Variants in GPBP1 observed in about 807,000 individuals in gnomAD.
The protein encoded by GPBP1 is GC-rich promoter binding protein 1.
In GPBP1, 13 loss-of-function variants were observed where a neutral mutation model predicts 56.5. The ratio of observed to expected loss-of-function variants is 0.23; its 90% CI spans 0.15 to 0.37. GPBP1 has a LOEUF of 0.37. Among genes scored for constraint, GPBP1 ranks in the 10% least tolerant of loss-of-function variants. GPBP1 has a pLI of 1.00. For missense variants in GPBP1, 477 were observed against 572.3 expected (o/e 0.83, Z 1.70); for synonymous variants, 204 against 188.9 (o/e 1.08, Z -0.66).
chr5:57,262,662 A>G lies in GPBP1; in HGVS notation c.1332A>G (p.Gly444=), dbSNP rs1250713684. The change falls in exon 12 of 12, where the codon GGA becomes GGG. Residue 444 remains glycine, a synonymous_variant. Transcript: ENST00000506184. ...GCTTGATCTGTGACTTCAAGTTTGG[A>G]CCGTGGAAGAACAGCACTTTCAAAC... ...KNGLICDFKF[G]PWKNSTFKPT... 3 of 1,613,686 alleles carry G rather than the reference A, an allele frequency of 1.9e-6. No homozygotes were observed. Among genetic ancestry groups the G allele is most frequent in the Non-Finnish European group, 2.5e-6 (3 of 1,179,740 alleles).
chr5:57,200,505 T>A (rs920986617), intron 2 of GPBP1, among the ~76,000 whole-genome samples: 2 of 151,282 alleles, frequency 1.3e-5, no homozygotes, highest in African/African-American at 4.9e-5. Context: ...GTAGCTGGGA[T>A]TACAGGCATG....
chr5:57,183,879 C>T (rs1754173909), intron 2 of GPBP1, among the ~76,000 whole-genome samples: 1 of 151,526 alleles, frequency 6.6e-6, no homozygotes, highest in African/African-American at 2.4e-5. Flanking sequence ...ACAGGTGATC[C>T]TTTCTTTCAC....
At chr5:57,195,209 G>T (rs1754693678) in intron 2 of GPBP1, among the ~76,000 whole-genome samples, 2 of 152,106 alleles carry the variant, frequency 1.3e-5, no homozygotes, top group South Asian at 4.1e-4. Flanking sequence ...AGGCTAGAGT[G>T]CAGTGGCATG....
At chr5:57,228,060 C>T (rs1459148491) in intron 3 of GPBP1, among the ~76,000 whole-genome samples, 2 of 152,138 alleles carry the variant, frequency 1.3e-5, no homozygotes, top group Admixed American at 1.3e-4. Flanking sequence ...GCAACAAAGA[C>T]TTAAGGCTTT....
intron 3 of GPBP1, among the ~76,000 whole-genome samples, chr5:57,220,924 T>A (rs1755932810): frequency 6.6e-6 from 1 of 152,236 alleles, no homozygotes; most frequent in Non-Finnish European, 1.5e-5. Context: ...TCTTGTTTTC[T>A]GCCATAGACT....
intron 10 of GPBP1, among the ~76,000 whole-genome samples, chr5:57,259,256 A>G (rs1482085671): frequency 1.3e-5 from 2 of 152,216 alleles, no homozygotes; most frequent in Non-Finnish European, 2.9e-5. Context: ...TATTTTACTT[A>G]TATGATCTTG....
At chr5:57,254,546 T>A (rs1400555721) in intron 10 of GPBP1, among the ~76,000 whole-genome samples, 1 of 152,054 alleles carries the variant, frequency 6.6e-6, no homozygotes, top group Non-Finnish European at 1.5e-5. Context: ...AATACAAAAA[T>A]TAGCTGGGCA....
chr5:57,217,003 T>G (rs1326841817), intron 3 of GPBP1, among the ~76,000 whole-genome samples: 2 of 152,138 alleles, frequency 1.3e-5, no homozygotes, highest in Non-Finnish European at 2.9e-5. Flanking sequence ...AATAGAATAG[T>G]TTTTTACAGG....
chr5:57,216,657 G>T (rs1334455398), intron 3 of GPBP1, among the ~76,000 whole-genome samples: 1 of 152,154 alleles, frequency 6.6e-6, no homozygotes, highest in Non-Finnish European at 1.5e-5. Context: ...CTGCAGTCCA[G>T]CCTGGGTGAA....
chr5:57,187,371 A>T (rs1344242475), intron 2 of GPBP1, among the ~76,000 whole-genome samples: 1 of 152,210 alleles, frequency 6.6e-6, no homozygotes, highest in Admixed American at 6.6e-5. Flanking sequence ...ATTTACTATG[A>T]TATATTATCT....
intron 2 of GPBP1, among the ~76,000 whole-genome samples, chr5:57,192,470 T>C (rs1014361252): frequency 6.6e-6 from 1 of 151,734 alleles, no homozygotes; most frequent in Non-Finnish European, 1.5e-5. Context: ...AATTTAGGAG[T>C]TGGCTGGGCA....
intron 2 of GPBP1, among the ~76,000 whole-genome samples, chr5:57,189,122 G>A (rs1428712239): frequency 1.3e-5 from 2 of 151,740 alleles, no homozygotes; most frequent in Non-Finnish European, 1.5e-5. Flanking sequence ...CACCATACCC[G>A]GCTAATTTTT....
intron 3 of GPBP1, chr5:57,221,306 G>T: frequency 2.8e-6 from 3 of 1,085,148 alleles, no homozygotes; most frequent in Admixed American, 5.2e-5. Context: ...TTTTTCTTTT[G>T]TGATTTTCTA....
intron 2 of GPBP1, among the ~76,000 whole-genome samples, chr5:57,190,337 C>A (rs1230968507): frequency 6.6e-6 from 1 of 152,150 alleles, no homozygotes; most frequent in East Asian, 1.9e-4. Context: ...GTAATCCCAG[C>A]ACTTTGGGAG....
At chr5:57,237,433 T>A in intron 6 of GPBP1, 1 of 422,344 alleles carries the variant, frequency 2.4e-6, no homozygotes, top group Non-Finnish European at 4.3e-6. Context: ...ATAATGAGAG[T>A]AAAATGTATT....
chr5:57,247,313 A>G, intron 8 of GPBP1, 98 bp downstream of exon 8: 2 of 994,734 alleles, frequency 2.0e-6, no homozygotes, highest in South Asian at 2.2e-5. Context: ...AATACATTAA[A>G]ATGAGTTTCA....
At chr5:57,188,818 C>T (rs1754399887) in intron 2 of GPBP1, among the ~76,000 whole-genome samples, 1 of 152,148 alleles carries the variant, frequency 6.6e-6, no homozygotes, top group African/African-American at 2.4e-5. Flanking sequence ...CTCAGTATGG[C>T]TCCACCAGCT....
In GPBP1 at chr5:57,235,950, T is replaced by G; in HGVS notation, c.412-16T>G. On this transcript the variant is annotated splice_polypyrimidine_tract_variant and intron_variant, in intron 5 of 11. Coordinates refer to ENST00000506184, the MANE Select transcript of GPBP1 (RefSeq NM_022913.4). ...TATTTTTAAAATGTGAAATGTTTAT[T>G]CCAACTTTCTTCCAGCCGTCTTTAA... The G allele has an allele frequency of 1.9e-6, 3 of 1,578,312 alleles. No individual in the cohort carries two copies. Among genetic ancestry groups the G allele is most frequent in the Non-Finnish European group, 2.6e-6 (3 of 1,148,716 alleles).
intron 3 of GPBP1, among the ~76,000 whole-genome samples, chr5:57,216,951 T>C (rs1034145357): frequency 2.0e-5 from 3 of 152,130 alleles, no homozygotes; most frequent in African/African-American, 7.2e-5. Flanking sequence ...CGTTATATAT[T>C]AGGACTCACT....
Sources: gnomAD v4.1 joint callset for allele counts (sites outside exome capture counted in the v4.1 genomes callset) on GRCh38, gnomAD v4.1.1 for gene constraint, MANE v1.5 for transcripts, NCBI Gene and HGNC (gene_info 2026-07-23, HGNC 2026-07-21) for gene names.